Variants in M1AP observed in about 807,000 individuals in gnomAD.
M1AP encodes meiosis 1 associated protein, also known as meiosis 1 arrest protein.
Under a neutral mutation model 51.2 loss-of-function variants are expected in M1AP, and 39 were observed. That is an observed-to-expected ratio of 0.76 (90% CI 0.59 to 1.00). M1AP has a LOEUF of 1.00. Ranked by LOEUF, M1AP falls within the 50% of genes least tolerant of loss-of-function variation. The pLI, the probability that M1AP is intolerant of heterozygous loss-of-function variation, is 0.00. For synonymous variants in M1AP, 251 were observed against 249.2 expected, an observed-to-expected ratio of 1.01 and a Z score of -0.07; for missense variants, 545 against 641.2, an observed-to-expected ratio of 0.85 and a Z score of 1.62.
chr2:74,629,045 T>C (rs1030662574), intron 2 of M1AP: 1 of 164,896 alleles, frequency 6.1e-6, no homozygotes, highest in South Asian at 1.7e-4. Flanking sequence ...AACTCTTGAA[T>C]TGAAAAAGAA....
intron 2 of M1AP, chr2:74,628,827 A>T: frequency 4.3e-6 from 2 of 464,286 alleles, no homozygotes; most frequent in Non-Finnish European, 8.6e-6. Flanking sequence ...GAATAAGTGG[A>T]AAACGATACC....
rs199811156 is a variant in M1AP, at chr2:74,640,029, T to C, written c.240+7A>G. The C allele has an allele frequency of 6.2e-7, 1 of 1,611,576 alleles. No homozygotes were observed. On this transcript the variant is annotated splice_region_variant and intron_variant, in intron 2 of 10. Coordinates refer to ENST00000421985, the MANE Select transcript of M1AP (RefSeq NM_001321739.2). ...AGGGTAAAATGAATAAATATAGATA[T>C]ACTTACCACAAAAGGGAGGATGCAC... is the stretch of plus-strand genomic sequence containing the variant.
chr2:74,574,733 C>G (rs766821127), intron 7 of M1AP, among the ~76,000 whole-genome samples: 39 of 152,344 alleles, frequency 2.6e-4, no homozygotes, highest in Middle Eastern at 3.4e-3. Context: ...TTTTGTCACT[C>G]TCTCCCTTCC....
rs1397624564 is a variant in M1AP at position 74,607,168 on chromosome 2, C to A, written c.482G>T (p.Gly161Val). ...GKEVVKQLEEGLKDTDLARVR... is the reference protein window; with the variant it reads ...GKEVVKQLEEVLKDTDLARVR... The stretch of plus-strand genomic sequence containing the variant: ...TCTGGCTAGGTCTGTATCTTTCAAC[C>A]CTTCCTCCAACTGTTTGACCACCTC... Residue 161 changes from glycine to valine, a missense_variant, in exon 4 of 11, where the codon GGG becomes GTG. Gly to Val is a moderately radical substitution (Grantham distance 109). Transcript: ENST00000421985. The A allele has an allele frequency of 6.2e-7, 1 of 1,614,166 alleles. No homozygotes were observed. The highest frequency in any genetic ancestry group is 8.5e-7 in the Non-Finnish European group (1 of 1,180,028).
intron 1 of M1AP, among the ~76,000 whole-genome samples, chr2:74,644,483 A>G (rs1362377329): frequency 6.6e-6 from 1 of 151,592 alleles, no homozygotes; most frequent in Non-Finnish European, 1.5e-5. Flanking sequence ...GGTTGCAGTG[A>G]GCCAAGATCG....
chr2:74,619,111 C>T, intron 2 of M1AP: 1 of 303,348 alleles, frequency 3.3e-6, no homozygotes, highest in South Asian at 3.1e-5. Flanking sequence ...TTATTGAAGA[C>T]TATCAGACGG....
At chr2:74,598,210 TG>T (rs1680454534) in intron 4 of M1AP, among the ~76,000 whole-genome samples, 1 of 152,052 alleles carries the variant, frequency 6.6e-6, no homozygotes, top group Admixed American at 6.6e-5. Context: ...GGTGAAACCC[TG>T]TCTCTACTCA....
In M1AP at chr2:74,648,183, C is replaced by G. The variant is rs1439584346; in HGVS notation, c.-53+82G>C. ...ACCTGCCTGAGGACTGGCCCGAGCT[C>G]GGCCCACGCCCAGCCCAGCCTGCGA... On this transcript the variant is annotated intron_variant, in intron 1 of 10. Coordinates refer to ENST00000421985, the MANE Select transcript of M1AP (RefSeq NM_001321739.2). 4 of 956,890 alleles carry G rather than the reference C, an allele frequency of 4.2e-6. No homozygotes were observed. The African/African-American group carries it at 7.1e-5, about 17-fold the overall frequency. The allele number at this position is 956,890 out of a possible 1,614,324, so 59.3% of individuals were successfully genotyped here.
chr2:74,561,730 G>C (rs932590648), intron 8 of M1AP, among the ~76,000 whole-genome samples: 28 of 152,036 alleles, frequency 1.8e-4, no homozygotes, highest in Admixed American at 1.1e-3. Flanking sequence ...ACCAGTCTGC[G>C]CAAAGACAAA....
chr2:74,588,608 G>A (rs1486580974), intron 4 of M1AP, among the ~76,000 whole-genome samples: 1 of 152,222 alleles, frequency 6.6e-6, no homozygotes. Flanking sequence ...TGGAAGTGAT[G>A]CTTGGACCCT....
At chr2:74,628,750 T>C (rs1172143849) in intron 2 of M1AP, 3 of 551,420 alleles carry the variant, frequency 5.4e-6, no homozygotes, top group South Asian at 4.4e-5. Context: ...ATCGTCATCA[T>C]ACAGGCAATA....
intron 1 of M1AP, among the ~76,000 whole-genome samples, chr2:74,642,531 G>A (rs533515837): frequency 1.3e-5 from 2 of 152,306 alleles, no homozygotes; most frequent in African/African-American, 4.8e-5. Flanking sequence ...TCTTCATGGT[G>A]ATATGTTGAA....
intron 7 of M1AP, among the ~76,000 whole-genome samples, chr2:74,563,745 T>C (rs1678190667): frequency 6.6e-6 from 1 of 151,962 alleles, no homozygotes; most frequent in South Asian, 2.1e-4. Flanking sequence ...GATGATGGGT[T>C]ATTATGGAAC....
intron 3 of M1AP, among the ~76,000 whole-genome samples, chr2:74,607,496 C>T (rs571083797): frequency 4.6e-5 from 7 of 151,990 alleles, no homozygotes; most frequent in South Asian, 2.1e-4. Flanking sequence ...TTTTTTGAGA[C>T]GGAGTCTTGC....
At chr2:74,560,871 C>T (rs921337712) in intron 8 of M1AP, among the ~76,000 whole-genome samples, 7 of 152,158 alleles carry the variant, frequency 4.6e-5, no homozygotes, top group Non-Finnish European at 8.8e-5. Flanking sequence ...GGCCGCCAAG[C>T]CAAGAGCACA....
At chr2:74,597,873 A>T (rs896342806) in intron 4 of M1AP, among the ~76,000 whole-genome samples, 2 of 152,198 alleles carry the variant, frequency 1.3e-5, no homozygotes, top group African/African-American at 4.8e-5. Flanking sequence ...TTCTTCACAA[A>T]ACTATTGTAA....
At chr2:74,577,575 G>A (rs560878008) in intron 5 of M1AP, among the ~76,000 whole-genome samples, 1 of 152,354 alleles carries the variant, frequency 6.6e-6, no homozygotes, top group African/African-American at 2.4e-5. Context: ...GAAAAAAATA[G>A]AGTGGCAGAA....
intron 2 of M1AP, among the ~76,000 whole-genome samples, chr2:74,634,792 TTTGA>T (rs1308155084): frequency 2.0e-5 from 3 of 152,226 alleles, no homozygotes; most frequent in East Asian, 3.8e-4. Flanking sequence ...GGTATACTAC[TTTGA>T]TTGATTTTCA....
chr2:74,597,937 A>G (rs186643994), intron 4 of M1AP, among the ~76,000 whole-genome samples: 109 of 152,388 alleles, frequency 7.2e-4, no homozygotes, highest in East Asian at 2.3e-3. Flanking sequence ...GCTATGAAGC[A>G]TAACAACAAA....
Sources: gnomAD v4.1 joint callset for allele counts (sites outside exome capture counted in the v4.1 genomes callset) on GRCh38, gnomAD v4.1.1 for gene constraint, MANE v1.5 for transcripts, NCBI Gene and HGNC (gene_info 2026-07-23, HGNC 2026-07-21) for gene names.